PCDHGA2: variants seen among roughly 807,000 people sequenced by gnomAD.
The protein encoded by PCDHGA2 is protocadherin gamma subfamily A, 2, also known as protocadherin gamma-A2.
A neutral mutation model predicts 59.2 loss-of-function variants in PCDHGA2; 40 were observed. The observed-to-expected ratio is 0.68, with a 90% CI of 0.52 to 0.88. The LOEUF (loss-of-function observed/expected upper bound fraction) is 0.88. Ranked by LOEUF, PCDHGA2 falls within the 40% of genes least tolerant of loss-of-function variation. The pLI, the probability that PCDHGA2 is intolerant of heterozygous loss-of-function variation, is 0.00. For synonymous variants in PCDHGA2, 560 were observed against 526.0 expected, an observed-to-expected ratio of 1.06 and a Z score of -0.89; for missense variants, 1,226 against 1,204.0, an observed-to-expected ratio of 1.02 and a Z score of -0.27.
Position 141,338,985 on chromosome 5 carries a change from A to G in PCDHGA2, c.14A>G (p.Gln5Arg), listed in dbSNP as rs6878145. 2.6e-3 allele frequency: 3,936 copies of G among 1,539,972 alleles called. 105 individuals are homozygous for G. In the African/African-American group the frequency reaches 0.048, roughly 19 times the overall value. ...GACAGGAGGGAAATGGCGGCTCTGC[A>G]AAAGTTGCCACACTGCAGAAAGCTG... MAAL[Q>R]KLPHCRKLVL... The change falls in exon 1 of 4, where the codon CAA becomes CGA. Residue 5 changes from glutamine to arginine, a missense_variant. Transcript: ENST00000394576.
At chr5:141,418,898 A>G (rs768409383) in intron 1 of PCDHGA2, 2 of 1,614,016 alleles carry the variant, frequency 1.2e-6, no homozygotes, top group South Asian at 2.2e-5. Flanking sequence ...CAGCCCAGAA[A>G]TAATCATCAC....
chr5:141,400,220 T>C, intron 1 of PCDHGA2: 1 of 1,614,006 alleles, frequency 6.2e-7, no homozygotes. Context: ...ATCTCAGTGC[T>C]CTTCCTCCTG....
At chr5:141,420,382 C>CA (rs1414569792) in intron 1 of PCDHGA2, 5 of 1,300,530 alleles carry the variant, frequency 3.8e-6, no homozygotes, top group Non-Finnish European at 5.1e-6. Flanking sequence ...ATAGAGTTCG[C>CA]AAAATATAGG....
chr5:141,404,250 C>A lies in PCDHGA2; in HGVS notation c.2424+62855C>A, dbSNP rs1282621596. 2.5e-6 allele frequency: 4 copies of A among 1,613,886 alleles called. No homozygotes were observed. In the Admixed American group the frequency reaches 5.0e-5, roughly 20 times the overall value. On this transcript the variant is annotated intron_variant, in intron 1 of 3. Coordinates refer to ENST00000394576, the MANE Select transcript of PCDHGA2 (RefSeq NM_018915.4). Reference sequence around the variant, plus strand: ...ACAGACAGAGGAACTCCGCCCCTGTCCACAGAAATTCACATCACCCTGCAA... The same window carrying A: ...ACAGACAGAGGAACTCCGCCCCTGTACACAGAAATTCACATCACCCTGCAA...
intron 1 of PCDHGA2, chr5:141,364,603 C>G: frequency 6.2e-7 from 1 of 1,614,180 alleles, no homozygotes; most frequent in Non-Finnish European, 8.5e-7. Flanking sequence ...GCAGGATAGA[C>G]CGGGAGGAGC....
In PCDHGA2 at chr5:141,476,575, C is replaced by A; in HGVS notation, c.2425-18232C>A. 6 of 1,614,232 alleles carry A rather than the reference C, an allele frequency of 3.7e-6. No homozygotes were observed. The highest frequency in any genetic ancestry group is 5.1e-6 in the Non-Finnish European group (6 of 1,180,042). The stretch of plus-strand genomic sequence containing the variant: ...GCGAGGCCGTGGCTCCGGGGACGCG[C>A]TTTCCGCTCGAGAGCGCGCACGATC... On this transcript the variant is annotated intron_variant, in intron 1 of 3. Transcript: ENST00000394576. This position sits in a 1 kb window ranked among gnomAD's most constrained non-coding sequence, Gnocchi z 7.6.
At chr5:141,506,240 G>A (rs918820495) in intron 3 of PCDHGA2, among the ~76,000 whole-genome samples, 8 of 152,184 alleles carry the variant, frequency 5.3e-5, no homozygotes, top group Middle Eastern at 3.4e-3. Flanking sequence ...CATGAGGTCA[G>A]GAGTTCGAAA....
intron 1 of PCDHGA2, chr5:141,416,636 C>A (rs2096047139): frequency 6.6e-6 from 1 of 152,066 alleles, no homozygotes; most frequent in South Asian, 2.1e-4. Context: ...AATATAAACA[C>A]CAACCACAGC....
intron 1 of PCDHGA2, chr5:141,419,144 A>G: frequency 6.2e-7 from 1 of 1,613,940 alleles, no homozygotes; most frequent in South Asian, 1.1e-5. Context: ...AGACAGGGGC[A>G]AGCCTCCGTT....
At chr5:141,351,791 T>G (rs1758824643) in intron 1 of PCDHGA2, 1 of 1,613,252 alleles carries the variant, frequency 6.2e-7, no homozygotes, top group Admixed American at 1.7e-5. Flanking sequence ...CGGGGTGGTG[T>G]TCGCGCAGCG....
chr5:141,400,302 T>C (rs7701363), intron 1 of PCDHGA2: 17,655 of 1,614,082 alleles, frequency 0.011, 144 homozygotes, highest in Admixed American at 0.034. Flanking sequence ...GCTTCCAACC[T>C]GGTCTCTGTG....
rs771313271 is a variant in PCDHGA2 at position 141,477,861 on chromosome 5, G to C, written c.2425-16946G>C. 1.2e-6 allele frequency: 2 copies of C among 1,612,714 alleles called. No individual in the cohort carries two copies. Among genetic ancestry groups the C allele is most frequent in the South Asian group, 1.1e-5 (1 of 90,968 alleles). On this transcript the variant is annotated intron_variant, in intron 1 of 3. Transcript: ENST00000394576. The surrounding 1 kb of genome is among the most constrained non-coding windows in gnomAD (Gnocchi z 4.9). ...GGGAGCTCGGTGGAGATGCTGCCTC[G>C]AGGTACCTCAGCTGGCCACCTAGTG...
At chr5:141,374,203 G>A (rs375029709) in intron 1 of PCDHGA2, 16 of 1,613,808 alleles carry the variant, frequency 9.9e-6, no homozygotes, top group Non-Finnish European at 1.1e-5. Flanking sequence ...AGGAGCTGGA[G>A]AAAGGCTCCT....
Position 141,450,631 on chromosome 5 carries a change from T to C in PCDHGA2, c.2425-44176T>C, listed in dbSNP as rs554043866. 6.1e-5 allele frequency among the ~76,000 whole-genome samples: 9 copies of C among 148,320 alleles called. No homozygotes were observed. In the East Asian group the frequency reaches 1.9e-3, roughly 31 times the overall value. Reference sequence around the variant, plus strand: ...CCTCCTGAGTAGCTGGGATTACAGATGCCTGCCACCATGCCTGGCTAATTT... The same window carrying C: ...CCTCCTGAGTAGCTGGGATTACAGACGCCTGCCACCATGCCTGGCTAATTT... On this transcript the variant is annotated intron_variant, in intron 1 of 3. Transcript: ENST00000394576.
At chr5:141,410,625 G>A (rs202058499) in intron 1 of PCDHGA2, 1 of 1,602,442 alleles carries the variant, frequency 6.2e-7, no homozygotes, top group Non-Finnish European at 8.5e-7. Flanking sequence ...ACTTCGGTGA[G>A]TTTCTCTTTT....
At chr5:141,371,173 C>T in intron 1 of PCDHGA2, 8 of 1,613,998 alleles carry the variant, frequency 5.0e-6, no homozygotes, top group Non-Finnish European at 6.8e-6. Context: ...GCTGGCTCCT[C>T]CGTATTAAAA....
At chr5:141,387,600 A>T (rs1033182750) in intron 1 of PCDHGA2, 3 of 541,478 alleles carry the variant, frequency 5.5e-6, no homozygotes, top group Admixed American at 7.3e-5. Context: ...GAAGCAGCAG[A>T]GGCTGTAGTT....
At chr5:141,371,843 TA>T in intron 1 of PCDHGA2, 1 of 1,613,690 alleles carries the variant, frequency 6.2e-7, no homozygotes, top group Non-Finnish European at 8.5e-7. Flanking sequence ...ACTTGGGACC[TA>T]ATGGCCTTGT....
At chr5:141,418,855 A>C in intron 1 of PCDHGA2, 1 of 1,614,042 alleles carries the variant, frequency 6.2e-7, no homozygotes, top group Non-Finnish European at 8.5e-7. Context: ...CACGGTGTAA[A>C]GTAATTGTAG....
Sources: allele counts gnomAD v4.1 joint callset (sites outside exome capture counted in the v4.1 genomes callset), GRCh38; gene constraint gnomAD v4.1.1; non-coding constraint Gnocchi (gnomAD v3.1); transcripts MANE v1.5; gene names NCBI Gene and HGNC (gene_info 2026-07-23, HGNC 2026-07-21).